The following IRF4 variants were observed in gnomAD, a reference collection of about 807,000 sequenced individuals.
IRF4 encodes lymphocyte-specific interferon regulatory factor.
IRF4 carries 13 observed loss-of-function variants against 55.5 expected under a neutral mutation model. The observed-to-expected ratio is 0.23, with a 90% CI of 0.15 to 0.37. IRF4 has a LOEUF of 0.37. Ranked by LOEUF, IRF4 falls within the 10% of genes least tolerant of loss-of-function variation. The probability of loss-of-function intolerance (pLI) is 1.00; values close to 1 mark genes in which losing one functional copy is unlikely to be tolerated. For missense variants in IRF4, 397 were observed against 593.8 expected (o/e 0.67, Z 3.44); for synonymous variants, 249 against 240.7 (o/e 1.03, Z -0.32).
At position 408,965 on chromosome 6, in the gene IRF4, A is replaced by G. The variant is rs184069935; in HGVS notation, c.*1367A>G. ...CCCAAAGACCTCCACTTGCTTAAGT[A>G]TACCTATCACTTACATTTTTGTGGT... On this transcript the variant is annotated 3_prime_UTR_variant, in exon 9 of 9. Transcript: ENST00000380956. 96 of 227,912 alleles carry G rather than the reference A, an allele frequency of 4.2e-4. No individual in the cohort carries two copies. The highest frequency in any genetic ancestry group is 2.0e-3 in the African/African-American group (91 of 45,108). 14.1% of individuals were successfully genotyped at this position (227,912 alleles called of 1,614,324 possible).
chr6:397,065 A>G (rs201150182), intron 4 of IRF4, 43 bp from the exon 5 acceptor site: 245 of 1,561,774 alleles, frequency 1.6e-4, no homozygotes, highest in African/African-American at 6.6e-4. Flanking sequence ...CCCCCGTCTC[A>G]ATGCCAGTGC....
rs1192835166 is a variant in IRF4 at position 410,274 on chromosome 6, A to C, written c.*2676A>C. ...TCTTGGTTTATGTCTTGTTCTTGAG[A>C]TTTTGTATATTTAGGAAAACCTCAA... On this transcript the variant is annotated 3_prime_UTR_variant, in exon 9 of 9. Coordinates refer to ENST00000380956, the MANE Select transcript of IRF4 (RefSeq NM_002460.4). 4.4e-6 allele frequency: 1 copy of C among 227,380 alleles called. No homozygotes were observed. The highest frequency in any genetic ancestry group is 2.2e-5 in the African/African-American group (1 of 45,030). The allele number at this position is 227,380 out of a possible 1,614,324, so 14.1% of individuals were successfully genotyped here.
In IRF4 at chr6:401,404, C is replaced by G; in HGVS notation, c.746-20C>G. ...GTGTCCTTGGCCCCCAGCACTGACT[C>G]CGGAGCTCTGTGTTTGCAGACTGCC... is the stretch of plus-strand genomic sequence containing the variant. On this transcript the variant is annotated intron_variant, in intron 6 of 8. Coordinates refer to ENST00000380956, the MANE Select transcript of IRF4 (RefSeq NM_002460.4). The G allele has an allele frequency of 1.9e-6, 3 of 1,596,518 alleles. No individual in the cohort carries two copies. Among genetic ancestry groups the G allele is most frequent in the Non-Finnish European group, 2.6e-6 (3 of 1,170,740 alleles).
chr6:405,309 C>T (rs1326962060), intron 8 of IRF4, among the ~76,000 whole-genome samples, 179 bp downstream of exon 8: 2 of 152,220 alleles, frequency 1.3e-5, no homozygotes, highest in East Asian at 1.9e-4. Flanking sequence ...TGAGGACTCA[C>T]GTGCTCCTCC....
chr6:398,943 C>G lies in IRF4; in HGVS notation c.745+8C>G. 1 of 1,594,774 alleles carries G rather than the reference C, an allele frequency of 6.3e-7. No individual in the cohort carries two copies. The highest frequency in any genetic ancestry group is 1.1e-5 in the South Asian group (1 of 89,570). On this transcript the variant is annotated splice_region_variant and intron_variant, in intron 6 of 8. Transcript: ENST00000380956. ...AAGCCTTGGCGTTCTCAGGTGAGTG[C>G]AGGGTTTGCTCCTGGAGGCACCGCA...
chr6:406,709 CA>C (rs1472081910), intron 8 of IRF4: 25 of 918,116 alleles, frequency 2.7e-5, no homozygotes, highest in Non-Finnish European at 3.5e-5. Flanking sequence ...AATGAATAAA[CA>C]CACGTGTACA....
rs144395675 is a variant in IRF4, at chr6:398,928, G to T, written c.738G>T (p.Ala246=). 1 of 1,609,490 alleles carries T rather than the reference G, an allele frequency of 6.2e-7. No individual in the cohort carries two copies. The highest frequency in any genetic ancestry group is 8.5e-7 in the Non-Finnish European group (1 of 1,177,568). The stretch of plus-strand genomic sequence containing the variant: ...GCATAAGGTCTGCCGAAGCCTTGGC[G>T]TTCTCAGGTGAGTGCAGGGTTTGCT... The part of the protein sequence containing the change: ...EPSIRSAEAL[A]FSDCRLHICL... The change falls in exon 6 of 9, where the codon GCG becomes GCT. Residue 246 remains alanine, a synonymous_variant. Coordinates refer to ENST00000380956, the MANE Select transcript of IRF4 (RefSeq NM_002460.4).
In IRF4 at chr6:393,149, G is replaced by A; in HGVS notation, c.-4G>A. The A allele has an allele frequency of 1.3e-6, 2 of 1,549,020 alleles. No homozygotes were observed. Among genetic ancestry groups the A allele is most frequent in the Non-Finnish European group, 1.7e-6 (2 of 1,146,094 alleles). ...CGGGCGCGGGCGCGGACGGCACGCGGGGCATGAACCTGGAGGGCGGCGGCC... is the reference window on the plus strand; with the variant it reads ...CGGGCGCGGGCGCGGACGGCACGCGAGGCATGAACCTGGAGGGCGGCGGCC... On this transcript the variant is annotated 5_prime_UTR_variant, in exon 2 of 9. Transcript: ENST00000380956. The surrounding 1 kb of genome is among the most constrained non-coding windows in gnomAD (Gnocchi z 5.4).
rs1180900512 is a variant in IRF4 at position 393,388 on chromosome 6, G to T, written c.216+20G>T. On this transcript the variant is annotated intron_variant, in intron 2 of 8. Transcript: ENST00000380956. The surrounding 1 kb of genome is among the most constrained non-coding windows in gnomAD (Gnocchi z 5.4). ...TTCAAGGTCTCCGGCCTCGGGAGCC[G>T]GCGGGGGCGCGCCGGGGAGGGCCCA... 1.3e-6 allele frequency: 2 copies of T among 1,542,592 alleles called. No homozygotes were observed.
At position 405,524 on chromosome 6, in the gene IRF4, A is replaced by C. The variant is rs191369619; in HGVS notation, c.1212+394A>C. ...CTATCTAGCTAGTGGATCTTCATTC[A>C]ATGGAAAAGCTTTTCCCAAATGAGA... On this transcript the variant is annotated intron_variant, in intron 8 of 8. Transcript: ENST00000380956. Among the ~76,000 whole-genome samples, 7 of 152,346 alleles carry C rather than the reference A, an allele frequency of 4.6e-5. No individual in the cohort carries two copies. The South Asian group carries it at 1.4e-3, about 32-fold the overall frequency.
At chr6:395,077 C>A in intron 3 of IRF4, 70 bp downstream of exon 3, 1 of 1,195,732 alleles carries the variant, frequency 8.4e-7, no homozygotes, top group South Asian at 1.5e-5. Flanking sequence ...TAACTTCATT[C>A]TGAGCATCAC....
rs1224162818 is a variant in IRF4, at chr6:408,531, G to T, written c.*933G>T. 1 of 229,824 alleles carries T rather than the reference G, an allele frequency of 4.4e-6. No homozygotes were observed. Among genetic ancestry groups the T allele is most frequent in the Non-Finnish European group, 8.6e-6 (1 of 115,936 alleles). 14.2% of individuals were successfully genotyped at this position (229,824 alleles called of 1,614,324 possible). On this transcript the variant is annotated 3_prime_UTR_variant, in exon 9 of 9. Coordinates refer to ENST00000380956, the MANE Select transcript of IRF4 (RefSeq NM_002460.4). ...ACAATCTAGTAATGTCTAAGTAATG[G>T]TTAAGTTTTCTTGTTTCTGCATCTT...
intron 4 of IRF4, chr6:396,164 A>G (rs776439877): frequency 4.3e-5 from 23 of 538,506 alleles, no homozygotes; most frequent in Non-Finnish European, 6.9e-5. Flanking sequence ...CTGTTGGAAT[A>G]TGCTTCTCAG....
chr6:392,956 G>A (rs1761149508), intron 1 of IRF4, 142 bp from the exon 2 acceptor site: 2 of 512,700 alleles, frequency 3.9e-6, no homozygotes, highest in Non-Finnish European at 6.7e-6. Context: ...TTCTTCCGGG[G>A]GCCCGGACGA....
chr6:405,601 C>T (rs540103967), intron 8 of IRF4, among the ~76,000 whole-genome samples: 1 of 152,282 alleles, frequency 6.6e-6, no homozygotes, highest in East Asian at 1.9e-4. Context: ...TGTGTCCTAG[C>T]ACCTCTTTTA....
intron 7 of IRF4, among the ~76,000 whole-genome samples, chr6:402,966 G>A (rs1048132302): frequency 2.0e-5 from 3 of 152,238 alleles, no homozygotes; most frequent in Admixed American, 6.5e-5. Flanking sequence ...TGTGGGAGGC[G>A]GAGGTTGCAG....
At chr6:395,225 G>T (rs906744261) in intron 3 of IRF4, among the ~76,000 whole-genome samples, 1 of 144,780 alleles carries the variant, frequency 6.9e-6, no homozygotes, top group Non-Finnish European at 1.5e-5. Context: ...CACACTGTAT[G>T]CCTCAATGTA....
intron 8 of IRF4, chr6:406,728 G>A (rs1451889377): frequency 1.8e-6 from 2 of 1,115,574 alleles, no homozygotes; most frequent in Non-Finnish European, 2.3e-6. Context: ...ACACCTATGA[G>A]TTCCACTTTT....
In IRF4 at chr6:391,764, C is replaced by G. The variant is rs1561708189; in HGVS notation, c.-101C>G. 3 of 456,020 alleles carry G rather than the reference C, an allele frequency of 6.6e-6. No homozygotes were observed. Among genetic ancestry groups the G allele is most frequent in the Admixed American group, 4.7e-5 (2 of 42,574 alleles). 28.2% of individuals were successfully genotyped at this position (456,020 alleles called of 1,614,324 possible). ...ACCTCGCACTCTCAGTTTCACCGCTCGATCTTGGGACCCACCGCTGCCCTC... is the reference window on the plus strand; with the variant it reads ...ACCTCGCACTCTCAGTTTCACCGCTGGATCTTGGGACCCACCGCTGCCCTC... On this transcript the variant is annotated 5_prime_UTR_variant, in exon 1 of 9. Coordinates refer to ENST00000380956, the MANE Select transcript of IRF4 (RefSeq NM_002460.4).
Sources: allele counts gnomAD v4.1 joint callset (sites outside exome capture counted in the v4.1 genomes callset), GRCh38; gene constraint gnomAD v4.1.1; non-coding constraint Gnocchi (gnomAD v3.1); transcripts MANE v1.5; gene names NCBI Gene and HGNC (gene_info 2026-07-23, HGNC 2026-07-21).